The following ARHGAP32 variants were observed in gnomAD, a reference collection of about 807,000 sequenced individuals.
ARHGAP32 encodes Rho GTPase activating protein 32, also known as rho GTPase-activating protein 32.
In ARHGAP32, 51 loss-of-function variants were observed where a neutral mutation model predicts 186.5. The ratio of observed to expected loss-of-function variants is 0.27; its 90% CI spans 0.22 to 0.35. The LOEUF (loss-of-function observed/expected upper bound fraction) is 0.35. ARHGAP32 is among the 10% of genes least tolerant of loss of function. The probability of loss-of-function intolerance (pLI) is 1.00; values close to 1 mark genes in which losing one functional copy is unlikely to be tolerated. For missense variants in ARHGAP32, 2,186 were observed against 2,623.5 expected (o/e 0.83, Z 3.64); for synonymous variants, 950 against 964.3 (o/e 0.99, Z 0.27).
chr11:128,988,278 G>A (rs1191838987), intron 12 of ARHGAP32, among the ~76,000 whole-genome samples, 153 bp from the exon 13 acceptor site: 1 of 152,206 alleles, frequency 6.6e-6, no homozygotes, highest in Non-Finnish European at 1.5e-5. Flanking sequence ...AAAAAATGAT[G>A]AGGGTATATT....
At chr11:129,209,176 TAG>T (rs1944549990) in intron 1 of ARHGAP32, among the ~76,000 whole-genome samples, 1 of 152,152 alleles carries the variant, frequency 6.6e-6, no homozygotes, top group African/African-American at 2.4e-5. Context: ...ATAACCTATT[TAG>T]AGATTTATTT....
At chr11:129,242,822 T>C (rs1945037399) in intron 1 of ARHGAP32, among the ~76,000 whole-genome samples, 1 of 152,064 alleles carries the variant, frequency 6.6e-6, no homozygotes, top group Non-Finnish European at 1.5e-5. Flanking sequence ...CACACCTCTG[T>C]ACCAAAAGAT....
intron 1 of ARHGAP32, among the ~76,000 whole-genome samples, chr11:129,211,521 TC>T (rs1372081890): frequency 6.6e-6 from 1 of 152,170 alleles, no homozygotes; most frequent in African/African-American, 2.4e-5. Flanking sequence ...CCTACTCTTT[TC>T]AGTGCCTTCT....
Position 128,968,785 on chromosome 11 carries a change from A to G in ARHGAP32, c.*122T>C, listed in dbSNP as rs1257804929. 3 of 775,388 alleles carry G rather than the reference A, an allele frequency of 3.9e-6. No homozygotes were observed. The highest frequency in any genetic ancestry group is 3.8e-5 in the Admixed American group (1 of 26,176). 48.0% of individuals were successfully genotyped at this position (775,388 alleles called of 1,614,324 possible). ...AGATGCTGATTTGTTTACTTTTATT[A>G]TCATTTTTTAAATGTGGTCAGGGGT... On this transcript the variant is annotated 3_prime_UTR_variant, in exon 23 of 23. Transcript: ENST00000682385.
chr11:129,227,413 T>C (rs1944799975), intron 1 of ARHGAP32, among the ~76,000 whole-genome samples: 1 of 151,502 alleles, frequency 6.6e-6, no homozygotes, highest in Non-Finnish European at 1.5e-5. Context: ...TCCTATCTTA[T>C]CAGTAACCAC....
intron 21 of ARHGAP32, 91 bp downstream of exon 21, chr11:128,974,033 G>A: frequency 6.9e-7 from 1 of 1,446,242 alleles, no homozygotes; most frequent in Non-Finnish European, 9.4e-7. Context: ...GGCTAGCTGT[G>A]GACAAATTTC....
rs937368990 is a variant in ARHGAP32, at chr11:129,033,028, A to G, written c.1045+7900T>C. The stretch of plus-strand genomic sequence containing the variant: ...GATTTTGAACTCTCTACATGTATAC[A>G]TGAAACTTTACAGTGTAAGTGTGTA... On this transcript the variant is annotated intron_variant, in intron 11 of 22. Coordinates refer to ENST00000682385, the MANE Select transcript of ARHGAP32 (RefSeq NM_001378024.1). Among the ~76,000 whole-genome samples, 16 of 152,224 alleles carry G rather than the reference A, an allele frequency of 1.1e-4. 1 individual carries two copies. Among genetic ancestry groups the G allele is most frequent in the Admixed American group, 7.9e-4 (12 of 15,282 alleles).
chr11:129,197,298 T>C (rs559714093), upstream of ARHGAP32, among the ~76,000 whole-genome samples: 5 of 152,292 alleles, frequency 3.3e-5, no homozygotes, highest in Admixed American at 2.6e-4. Context: ...GAATGCAGTA[T>C]ACATTTGGGT....
intron 11 of ARHGAP32, among the ~76,000 whole-genome samples, chr11:128,999,214 A>G (rs1230519478): frequency 2.0e-5 from 3 of 152,146 alleles, no homozygotes; most frequent in African/African-American, 4.8e-5. Flanking sequence ...GGTCTCTAAC[A>G]TGGCCGCTCT....
intron 6 of ARHGAP32, among the ~76,000 whole-genome samples, chr11:129,081,379 T>C (rs1941214977): frequency 6.6e-6 from 1 of 151,994 alleles, no homozygotes; most frequent in Non-Finnish European, 1.5e-5. Flanking sequence ...ACTAGCTAAC[T>C]GAATCCAAGA....
At chr11:129,247,983 T>C (rs1273088837) in intron 1 of ARHGAP32, among the ~76,000 whole-genome samples, 2 of 152,138 alleles carry the variant, frequency 1.3e-5, no homozygotes, top group Non-Finnish European at 2.9e-5. Context: ...CTGAATTATT[T>C]ATATACAATC....
chr11:129,172,233 C>T (rs566278556), intron 1 of ARHGAP32, among the ~76,000 whole-genome samples: 1 of 152,202 alleles, frequency 6.6e-6, no homozygotes, highest in South Asian at 2.1e-4. Flanking sequence ...GAGAGGGCAC[C>T]CTTGTCTTGT....
intron 1 of ARHGAP32, among the ~76,000 whole-genome samples, chr11:129,264,762 GGAAGGTACTGAAAA>G (rs1945371949): frequency 6.6e-6 from 1 of 152,128 alleles, no homozygotes; most frequent in East Asian, 1.9e-4. Flanking sequence ...ATCAGGTCTG[GGAAGGTACTGAAAA>G]GAAATTGGGA....
chr11:129,146,605 AG>A (rs1313219216), intron 2 of ARHGAP32, among the ~76,000 whole-genome samples: 2 of 152,140 alleles, frequency 1.3e-5, no homozygotes, highest in South Asian at 2.1e-4. Flanking sequence ...GCATTTTATT[AG>A]ATTTCTTGAA....
chr11:129,049,246 T>C (rs953705529), intron 10 of ARHGAP32, among the ~76,000 whole-genome samples: 36 of 152,098 alleles, frequency 2.4e-4, no homozygotes, highest in African/African-American at 8.2e-4. Flanking sequence ...CTACAGTGTA[T>C]GACAACAGCA....
intron 11 of ARHGAP32, among the ~76,000 whole-genome samples, chr11:129,015,786 T>C (rs1419538411): frequency 2.0e-5 from 3 of 152,228 alleles, no homozygotes; most frequent in African/African-American, 7.2e-5. Flanking sequence ...CTTTTAAGTA[T>C]ATACCACAAC....
intron 1 of ARHGAP32, among the ~76,000 whole-genome samples, chr11:129,234,335 T>C (rs1207765740): frequency 1.3e-5 from 2 of 152,022 alleles, no homozygotes; most frequent in East Asian, 3.8e-4. Flanking sequence ...TGACTAACTC[T>C]CAAAAATGTA....
At chr11:129,098,178 A>T (rs962177343) in intron 5 of ARHGAP32, among the ~76,000 whole-genome samples, 3 of 152,182 alleles carry the variant, frequency 2.0e-5, no homozygotes, top group African/African-American at 7.2e-5. Context: ...GCCAAACAGA[A>T]ATTCTCAAGG....
At chr11:129,060,371 AGATAGATAGAT>A (rs1039955509) in intron 10 of ARHGAP32, among the ~76,000 whole-genome samples, 2 of 147,562 alleles carry the variant, frequency 1.4e-5, no homozygotes, top group Non-Finnish European at 3.0e-5. Context: ...ATAGATAGAT[AGATAGATAGAT>A]AAGATAGACA....
Sources: gnomAD v4.1 joint callset for allele counts (sites outside exome capture counted in the v4.1 genomes callset) on GRCh38, gnomAD v4.1.1 for gene constraint, MANE v1.5 for transcripts, NCBI Gene and HGNC (gene_info 2026-07-23, HGNC 2026-07-21) for gene names.